The following HMG20A variants were observed in gnomAD, a reference collection of about 807,000 sequenced individuals.
HMG20A encodes high mobility group protein 20A.
Under a neutral mutation model 43.9 loss-of-function variants are expected in HMG20A, and 17 were observed. The ratio of observed to expected loss-of-function variants is 0.39; its 90% CI spans 0.27 to 0.58. The LOEUF is 0.58. Ranked by LOEUF, HMG20A falls within the 20% of genes least tolerant of loss-of-function variation. HMG20A has a pLI of 0.59. For missense variants in HMG20A, 341 were observed against 438.2 expected (o/e 0.78, Z 1.98); for synonymous variants, 132 against 147.5 (o/e 0.89, Z 0.76).
downstream of HMG20A, among the ~76,000 whole-genome samples, chr15:77,487,460 C>CT (rs928782998): frequency 6.6e-6 from 1 of 152,164 alleles, no homozygotes; most frequent in Non-Finnish European, 1.5e-5. Flanking sequence ...TTCCGTGATA[C>CT]TTTTTTCCCC....
chr15:77,473,285 G>T (rs1245447035), intron 6 of HMG20A, among the ~76,000 whole-genome samples: 1 of 152,172 alleles, frequency 6.6e-6, no homozygotes, highest in Admixed American at 6.6e-5. Context: ...GAGAAACTTT[G>T]TATGTATTCT....
rs1255276580 is a variant in HMG20A, at chr15:77,483,963, A to G, written c.*1000A>G. 1 of 152,150 alleles carries G rather than the reference A, an allele frequency of 6.6e-6. No homozygotes were observed. Among genetic ancestry groups the G allele is most frequent in the Non-Finnish European group, 1.5e-5 (1 of 68,048 alleles). The allele number at this position is 152,150 out of a possible 1,614,324, so 9.4% of individuals were successfully genotyped here. A position where few individuals can be genotyped will look rare whatever the true frequency, so the allele number is the denominator to read the frequency against. ...AAAATAGTCACTTGAGCTCACAAAA[A>G]AAGCAAGGAAGAATTCTCATGTCCT... On this transcript the variant is annotated 3_prime_UTR_variant, in exon 10 of 10. Coordinates refer to ENST00000336216, the MANE Select transcript of HMG20A (RefSeq NM_001304504.2).
At chr15:77,509,511 C>T in the HMG20A span, among the ~76,000 whole-genome samples, 10 of 151,474 alleles carry the variant, frequency 6.6e-5, no homozygotes, top group African/African-American at 2.4e-4. Flanking sequence ...TGGCCTCGGC[C>T]TCTCAAAGTG....
chr15:77,515,409 ATATTTATT>A, the HMG20A span, among the ~76,000 whole-genome samples: 1 of 150,854 alleles, frequency 6.6e-6, no homozygotes, highest in Non-Finnish European at 1.5e-5. Context: ...TTATTTTTAA[ATATTTATT>A]TATTTATTTA....
At chr15:77,469,741 C>G (rs760937128) in intron 4 of HMG20A, among the ~76,000 whole-genome samples, 1 of 152,190 alleles carries the variant, frequency 6.6e-6, no homozygotes, top group Non-Finnish European at 1.5e-5. Context: ...ACTCTCGGCT[C>G]ATTGCAACCT....
chr15:77,458,993 G>A (rs1595923446), intron 2 of HMG20A, among the ~76,000 whole-genome samples: 1 of 152,106 alleles, frequency 6.6e-6, no homozygotes. Context: ...ATATAGAAAA[G>A]GGTTAATAAC....
intron 1 of HMG20A, among the ~76,000 whole-genome samples, chr15:77,437,594 G>A (rs924206666): frequency 2.6e-5 from 4 of 151,982 alleles, no homozygotes; most frequent in Non-Finnish European, 5.9e-5. Flanking sequence ...TTTTTGAGAC[G>A]GAGTTTCACT....
At chr15:77,518,871 T>A in the HMG20A span, among the ~76,000 whole-genome samples, 1 of 152,176 alleles carries the variant, frequency 6.6e-6, no homozygotes, top group East Asian at 1.9e-4. Flanking sequence ...CACATAGGCA[T>A]GTGGCAGCTA....
chr15:77,479,508 C>G (rs1281723760), intron 9 of HMG20A, 187 bp downstream of exon 9: 5 of 550,894 alleles, frequency 9.1e-6, no homozygotes, highest in Non-Finnish European at 1.5e-5. Context: ...CACTGTAGTC[C>G]CAGCTACTTG....
chr15:77,476,974 T>G (rs562349219), intron 6 of HMG20A, among the ~76,000 whole-genome samples: 1 of 152,212 alleles, frequency 6.6e-6, no homozygotes, highest in African/African-American at 2.4e-5. Flanking sequence ...CTCATGTGTT[T>G]GTTTGTTTAT....
chr15:77,513,684 T>C, the HMG20A span, among the ~76,000 whole-genome samples: 2 of 152,056 alleles, frequency 1.3e-5, no homozygotes, highest in Non-Finnish European at 2.9e-5. Flanking sequence ...ACCAGTTCTA[T>C]TAGACCAGGG....
At chr15:77,508,900 C>T in the HMG20A span, among the ~76,000 whole-genome samples, 1 of 152,222 alleles carries the variant, frequency 6.6e-6, no homozygotes, top group Admixed American at 6.5e-5. Context: ...AGGCTTAGGG[C>T]CCTGAAATAA....
At chr15:77,499,801 G>A in the HMG20A span, among the ~76,000 whole-genome samples, 1 of 151,842 alleles carries the variant, frequency 6.6e-6, no homozygotes, top group Non-Finnish European at 1.5e-5. Context: ...TTTCTAAAAT[G>A]CAAGATTAGT....
At chr15:77,487,774 C>A (rs1367571152), downstream of HMG20A, among the ~76,000 whole-genome samples, 3 of 152,160 alleles carry the variant, frequency 2.0e-5, no homozygotes, top group Non-Finnish European at 4.4e-5. Flanking sequence ...ACTGAGAGTT[C>A]CAAGTCAGGG....
At chr15:77,472,833 G>T (rs2072822422) in intron 6 of HMG20A, among the ~76,000 whole-genome samples, 1 of 152,150 alleles carries the variant, frequency 6.6e-6, no homozygotes, top group South Asian at 2.1e-4. Context: ...TGACCTAGGG[G>T]TTTTGAGGTA....
the HMG20A span, among the ~76,000 whole-genome samples, chr15:77,510,703 C>T: frequency 6.6e-6 from 1 of 152,196 alleles, no homozygotes; most frequent in Non-Finnish European, 1.5e-5. Context: ...GCAGCTCCGG[C>T]AGTAGTCCGT....
rs148901766 is a variant in HMG20A, at chr15:77,476,486, GA to G, written c.616-1043del. On this transcript the variant is annotated intron_variant, in intron 6 of 9. Coordinates refer to ENST00000336216, the MANE Select transcript of HMG20A (RefSeq NM_001304504.2). ...GGCAACAGAGAGGGACTCCCTCTCA[GA>G]AAAAAAAAAAAAAAAAAAAAAAAAA... is the stretch of plus-strand genomic sequence containing the variant. 1.6e-3 allele frequency among the ~76,000 whole-genome samples: 129 copies of G among 81,416 alleles called. No individual in the cohort carries two copies. The East Asian group carries it at 0.029, about 19-fold the overall frequency. The allele number at this position is 81,416 out of a possible 152,430, so 53.4% of individuals were successfully genotyped here. A position where few individuals can be genotyped will look rare whatever the true frequency, so the allele number is the denominator to read the frequency against.
chr15:77,448,311 A>G (rs1015931784), intron 1 of HMG20A, among the ~76,000 whole-genome samples: 5 of 152,034 alleles, frequency 3.3e-5, no homozygotes, highest in African/African-American at 4.8e-5. Context: ...TTCAGACCTC[A>G]TCTCCTTTTC....
chr15:77,429,079 G>GT (rs1346461605), intron 1 of HMG20A, among the ~76,000 whole-genome samples: 1 of 152,024 alleles, frequency 6.6e-6, no homozygotes, highest in Admixed American at 6.6e-5. Context: ...ACAGTGGTTT[G>GT]TATCTATAAT....
Sources: gnomAD v4.1 joint callset for allele counts (sites outside exome capture counted in the v4.1 genomes callset) on GRCh38, gnomAD v4.1.1 for gene constraint, MANE v1.5 for transcripts, NCBI Gene and HGNC (gene_info 2026-07-23, HGNC 2026-07-21) for gene names.